The following KCNU1 variants were observed in gnomAD, a reference collection of about 807,000 sequenced individuals.
KCNU1 encodes the protein potassium channel subfamily U member 1.
Under a neutral mutation model 126.8 loss-of-function variants are expected in KCNU1, and 93 were observed. The observed-to-expected ratio is 0.73, with a 90% CI of 0.62 to 0.87. KCNU1 has a LOEUF of 0.87. Ranked by LOEUF, KCNU1 falls within the 40% of genes least tolerant of loss-of-function variation. The pLI is 0.00. For synonymous variants in KCNU1, 523 were observed against 494.2 expected, an observed-to-expected ratio of 1.06 and a Z score of -0.77; for missense variants, 1,330 against 1,367.1, an observed-to-expected ratio of 0.97 and a Z score of 0.43.
intron 18 of KCNU1, among the ~76,000 whole-genome samples, chr8:36,846,504 A>C (rs1273207959): frequency 6.6e-6 from 1 of 152,150 alleles, no homozygotes; most frequent in African/African-American, 2.4e-5. Context: ...AGTCCCTTCT[A>C]GTTTAAAATT....
intron 22 of KCNU1, among the ~76,000 whole-genome samples, chr8:36,917,381 G>C (rs777495447): frequency 6.7e-6 from 1 of 148,684 alleles, no homozygotes; most frequent in African/African-American, 2.5e-5. Context: ...CTAGGATCTC[G>C]GTCTGTCACC....
chr8:36,864,551 A>T (rs748629775), intron 19 of KCNU1, 30 bp downstream of exon 19: 12 of 1,340,844 alleles, frequency 8.9e-6, no homozygotes, highest in Admixed American at 5.0e-5. Context: ...CTGGTCTCCT[A>T]TAGTTTTTTT....
chr8:36,841,153 T>C, intron 16 of KCNU1, 150 bp downstream of exon 16: 2 of 636,344 alleles, frequency 3.1e-6, no homozygotes, highest in Non-Finnish European at 5.5e-6. Context: ...CCTCTGGGGC[T>C]CTCTGGCTCC....
intron 7 of KCNU1, among the ~76,000 whole-genome samples, chr8:36,811,394 A>G (rs1803705496): frequency 6.6e-6 from 1 of 152,144 alleles, no homozygotes; most frequent in Admixed American, 6.6e-5. Flanking sequence ...GGGTCTATAC[A>G]GGGGGGAACC....
chr8:36,899,628 G>A (rs1327902548), intron 19 of KCNU1, among the ~76,000 whole-genome samples: 1 of 152,054 alleles, frequency 6.6e-6, no homozygotes, highest in African/African-American at 2.4e-5. Flanking sequence ...GAGAGACCAG[G>A]AAGCAGAGAG....
At chr8:36,804,142 A>G in intron 3 of KCNU1, 54 bp downstream of exon 3, 1 of 1,222,050 alleles carries the variant, frequency 8.2e-7, no homozygotes, top group Non-Finnish European at 1.2e-6. Flanking sequence ...TTGCTCGGCT[A>G]ATTTGGAATT....
intron 3 of KCNU1, 80 bp downstream of exon 3, chr8:36,804,168 A>G: frequency 1.1e-6 from 1 of 869,990 alleles, no homozygotes; most frequent in Non-Finnish European, 1.9e-6. Flanking sequence ...CTCAGGAATA[A>G]TGCTTAATAT....
chr8:36,853,769 T>C (rs1444690879), intron 18 of KCNU1, among the ~76,000 whole-genome samples: 1 of 152,068 alleles, frequency 6.6e-6, no homozygotes, highest in Non-Finnish European at 1.5e-5. Flanking sequence ...TAAGTATAGT[T>C]GGTTTATAGG....
At position 36,907,247 on chromosome 8, in the gene KCNU1, A is replaced by C. The variant is rs544081564; in HGVS notation, c.2106+1443A>C. On this transcript the variant is annotated intron_variant, in intron 20 of 26. Transcript: ENST00000399881. ...AGGGTCAAGTAGAAATGATCAATTT[A>C]AGTTATTTTGAACAAATAGGACATC... Among the ~76,000 whole-genome samples the C allele has an allele frequency of 2.6e-5, 4 of 152,264 alleles. No homozygotes were observed. In the South Asian group the frequency reaches 8.3e-4, roughly 32 times the overall value.
At chr8:36,901,381 A>G (rs2117489207) in intron 19 of KCNU1, among the ~76,000 whole-genome samples, 1 of 152,248 alleles carries the variant, frequency 6.6e-6, no homozygotes, top group Middle Eastern at 3.4e-3. Context: ...TTTATACAGG[A>G]TAAGTTGCTA....
chr8:36,909,562 T>G, intron 21 of KCNU1, 27 bp downstream of exon 21: 1 of 1,298,538 alleles, frequency 7.7e-7, no homozygotes, highest in South Asian at 1.2e-5. Flanking sequence ...GAAAAGTTAA[T>G]ATTTATAAGG....
chr8:36,896,140 GA>G (rs2117467039), intron 19 of KCNU1, among the ~76,000 whole-genome samples: 1 of 151,866 alleles, frequency 6.6e-6, no homozygotes, highest in South Asian at 2.1e-4. Context: ...TATAATTTAA[GA>G]AATTTAAATT....
intron 13 of KCNU1, 43 bp downstream of exon 13, chr8:36,836,408 A>G (rs2130557979): frequency 7.6e-7 from 1 of 1,310,752 alleles, no homozygotes; most frequent in East Asian, 2.3e-5. Flanking sequence ...CCTTTTATCT[A>G]TATAGCTAGA....
At chr8:36,801,101 C>T (rs543400980) in intron 2 of KCNU1, among the ~76,000 whole-genome samples, 2 of 152,280 alleles carry the variant, frequency 1.3e-5, no homozygotes, top group South Asian at 4.1e-4. Flanking sequence ...TTGATGTCAA[C>T]AAGGGTTGCG....
At chr8:36,868,840 G>A (rs1806002364) in intron 19 of KCNU1, among the ~76,000 whole-genome samples, 1 of 152,258 alleles carries the variant, frequency 6.6e-6, no homozygotes, top group East Asian at 1.9e-4. Flanking sequence ...GAGAAAGAAA[G>A]TATTTCCTGT....
chr8:36,886,066 C>T (rs999336737), intron 19 of KCNU1, among the ~76,000 whole-genome samples: 5 of 152,160 alleles, frequency 3.3e-5, no homozygotes, highest in Non-Finnish European at 7.3e-5. Flanking sequence ...ATTACCACCA[C>T]ACCAATAGGG....
intron 10 of KCNU1, among the ~76,000 whole-genome samples, chr8:36,830,751 T>C (rs1804507602): frequency 6.6e-6 from 1 of 151,452 alleles, no homozygotes; most frequent in Non-Finnish European, 1.5e-5. Context: ...TTTTTTCTTT[T>C]TTTTAATTTA....
At position 36,807,451 on chromosome 8, in the gene KCNU1, G is replaced by C. The variant is rs908135426; in HGVS notation, c.656+1G>C. On this transcript the variant is annotated splice_donor_variant, in intron 6 of 26. Transcript: ENST00000399881. LOFTEE classifies it high-confidence loss of function. Reference sequence around the variant, plus strand: ...AAATTCTACGAGCCATCAAGACCAGGTAAATAGCCCTGACCGAAGTACTGC... The same window carrying C: ...AAATTCTACGAGCCATCAAGACCAGCTAAATAGCCCTGACCGAAGTACTGC... The C allele has an allele frequency of 6.2e-7, 1 of 1,608,454 alleles. No individual in the cohort carries two copies. Among genetic ancestry groups the C allele is most frequent in the Admixed American group, 1.7e-5 (1 of 59,972 alleles).
At chr8:36,857,451 C>G (rs1805566758) in intron 18 of KCNU1, among the ~76,000 whole-genome samples, 1 of 152,146 alleles carries the variant, frequency 6.6e-6, no homozygotes, top group Non-Finnish European at 1.5e-5. Flanking sequence ...GCCCTGCATT[C>G]TTGAGCACAC....
Sources: allele counts gnomAD v4.1 joint callset (sites outside exome capture counted in the v4.1 genomes callset), GRCh38; gene constraint gnomAD v4.1.1; transcripts MANE v1.5; gene names NCBI Gene and HGNC (gene_info 2026-07-23, HGNC 2026-07-21).